SLC30A9: variants seen among roughly 807,000 people sequenced by gnomAD.
SLC30A9 encodes the protein proton-coupled zinc antiporter SLC30A9, mitochondrial.
Under a neutral mutation model 87.5 loss-of-function variants are expected in SLC30A9, and 58 were observed. The ratio of observed to expected loss-of-function variants is 0.66; its 90% CI spans 0.54 to 0.82. The LOEUF (loss-of-function observed/expected upper bound fraction) is 0.82, where lower values mean the gene tolerates loss of function less well. Ranked by LOEUF, SLC30A9 falls within the 40% of genes least tolerant of loss-of-function variation. SLC30A9 has a pLI of 0.00. For missense variants in SLC30A9, 557 were observed against 679.1 expected, an observed-to-expected ratio of 0.82 and a Z score of 2.00; for synonymous variants, 234 against 233.0, an observed-to-expected ratio of 1.00 and a Z score of -0.04.
At chr4:42,071,242 C>T (rs1718297213) in intron 15 of SLC30A9, among the ~76,000 whole-genome samples, 1 of 152,146 alleles carries the variant, frequency 6.6e-6, no homozygotes, top group South Asian at 2.1e-4. Context: ...TAGTGCTTTT[C>T]AGTGAAATTC....
intron 8 of SLC30A9, among the ~76,000 whole-genome samples, chr4:42,043,143 A>G (rs2153137824): frequency 6.6e-6 from 1 of 152,348 alleles, no homozygotes; most frequent in African/African-American, 2.4e-5. Context: ...AAAAGGCTGA[A>G]AATTCCAAAA....
chr4:41,997,147 T>C (rs988152006), intron 1 of SLC30A9, among the ~76,000 whole-genome samples: 2 of 128,456 alleles, frequency 1.6e-5, no homozygotes, highest in African/African-American at 5.0e-5. Context: ...CATCTCCTAT[T>C]GTTTCCTAAC....
chr4:42,086,490 G>T lies in SLC30A9; in HGVS notation c.*364G>T. 1 of 166,848 alleles carries T rather than the reference G, an allele frequency of 6.0e-6. No homozygotes were observed. Among genetic ancestry groups the T allele is most frequent in the East Asian group, 1.7e-4 (1 of 5,944 alleles). The allele number at this position is 166,848 out of a possible 1,614,324, so 10.3% of individuals were successfully genotyped here. ...TGGTAAAAATAAGTGGCATCCATAG[G>T]ATCATGATTTTTAATTTGTTGCCTC... On this transcript the variant is annotated 3_prime_UTR_variant, in exon 18 of 18. Transcript: ENST00000264451.
At chr4:42,077,118 T>C (rs1165889302) in intron 16 of SLC30A9, among the ~76,000 whole-genome samples, 1 of 152,182 alleles carries the variant, frequency 6.6e-6, no homozygotes, top group African/African-American at 2.4e-5. Flanking sequence ...CTTGCCTAGG[T>C]CTTACCAAGT....
At chr4:42,036,343 T>C (rs928122431) in intron 7 of SLC30A9, among the ~76,000 whole-genome samples, 1 of 152,218 alleles carries the variant, frequency 6.6e-6, no homozygotes, top group Admixed American at 6.5e-5. Flanking sequence ...TACTCTGCTT[T>C]CCTTCCTACT....
intron 17 of SLC30A9, among the ~76,000 whole-genome samples, chr4:42,080,097 G>C (rs1718698984): frequency 6.6e-6 from 1 of 152,138 alleles, no homozygotes; most frequent in Non-Finnish European, 1.5e-5. Flanking sequence ...TGAAGGAAAG[G>C]GAGAACTGTT....
intron 1 of SLC30A9, among the ~76,000 whole-genome samples, chr4:41,996,086 A>T (rs1714685818): frequency 6.6e-6 from 1 of 151,454 alleles, no homozygotes; most frequent in Non-Finnish European, 1.5e-5. Flanking sequence ...AATAAATTTG[A>T]GTTTTTTTAT....
intron 2 of SLC30A9, among the ~76,000 whole-genome samples, chr4:42,003,008 C>T (rs1377372057): frequency 2.0e-5 from 3 of 152,070 alleles, no homozygotes; most frequent in Non-Finnish European, 4.4e-5. Flanking sequence ...GACATTTAAG[C>T]CATGATAACA....
In SLC30A9 at chr4:42,069,078, A is replaced by C. The variant is rs751183894; in HGVS notation, c.1253-1448A>C. On this transcript the variant is annotated intron_variant, in intron 14 of 17. Coordinates refer to ENST00000264451, the MANE Select transcript of SLC30A9 (RefSeq NM_006345.4). ...ATTCTCTGATGTTTATTGTGATCCA[A>C]AATATTTGTAAAAATGTTGATTGTT... Among the ~76,000 whole-genome samples the C allele has an allele frequency of 3.3e-4, 51 of 152,320 alleles. 1 individual carries two copies. The highest frequency in any genetic ancestry group is 1.7e-3 in the Admixed American group (26 of 15,304).
intron 1 of SLC30A9, 57 bp from the exon 2 acceptor site, chr4:42,001,559 T>G: frequency 8.8e-7 from 1 of 1,136,138 alleles, no homozygotes; most frequent in African/African-American, 1.6e-5. Flanking sequence ...GGCTTGGCAA[T>G]TAATTATGCA....
At chr4:42,009,047 G>A (rs1370347569) in intron 2 of SLC30A9, among the ~76,000 whole-genome samples, 1 of 152,128 alleles carries the variant, frequency 6.6e-6, no homozygotes, top group Non-Finnish European at 1.5e-5. Flanking sequence ...ATATAATTAA[G>A]GGTAAAATAT....
At chr4:42,001,888 C>T in intron 2 of SLC30A9, 108 bp downstream of exon 2, 2 of 658,222 alleles carry the variant, frequency 3.0e-6, no homozygotes, top group Non-Finnish European at 5.0e-6. Flanking sequence ...ACTGTCTGGA[C>T]TGATGTTTTC....
chr4:42,071,517 G>C (rs1412503592), intron 15 of SLC30A9, among the ~76,000 whole-genome samples: 2 of 152,044 alleles, frequency 1.3e-5, no homozygotes. Context: ...GAAAATGAGA[G>C]ATGGGCACAG....
intron 1 of SLC30A9, among the ~76,000 whole-genome samples, chr4:41,993,328 T>C (rs1202014614): frequency 6.6e-6 from 1 of 152,152 alleles, no homozygotes; most frequent in Non-Finnish European, 1.5e-5. Context: ...TTTCAGCACA[T>C]CACAGTTCAG....
At chr4:42,061,000 A>C (rs1717824028) in intron 10 of SLC30A9, among the ~76,000 whole-genome samples, 1 of 152,216 alleles carries the variant, frequency 6.6e-6, no homozygotes, top group African/African-American at 2.4e-5. Context: ...TATAGAGAAT[A>C]GCTCTCTAGT....
rs369560134 is a variant in SLC30A9 at position 42,084,804 on chromosome 4, GA to G, written c.1663-1275del. Among the ~76,000 whole-genome samples, 25 of 152,302 alleles carry G rather than the reference GA, an allele frequency of 1.6e-4. No individual in the cohort carries two copies. The East Asian group carries it at 4.6e-3, about 28-fold the overall frequency. ...TTCCTTTGTGCACTCACAGGAAAAA[GA>G]AACCCAAAATCTTTACTTTGCTCTG... On this transcript the variant is annotated intron_variant, in intron 17 of 17. Coordinates refer to ENST00000264451, the MANE Select transcript of SLC30A9 (RefSeq NM_006345.4).
intron 6 of SLC30A9, among the ~76,000 whole-genome samples, chr4:42,024,840 C>T (rs1212582313): frequency 6.6e-6 from 1 of 152,058 alleles, no homozygotes; most frequent in Non-Finnish European, 1.5e-5. Flanking sequence ...AGTGGTTTTT[C>T]TTAGTTCTTC....
chr4:42,028,019 G>A (rs1001096951), intron 6 of SLC30A9, among the ~76,000 whole-genome samples: 1 of 152,238 alleles, frequency 6.6e-6, no homozygotes. Flanking sequence ...GTTGACCTGT[G>A]TACCAATACT....
intron 2 of SLC30A9, among the ~76,000 whole-genome samples, chr4:42,010,738 A>G (rs1715403878): frequency 6.6e-6 from 1 of 152,218 alleles, no homozygotes; most frequent in Non-Finnish European, 1.5e-5. Flanking sequence ...ACTTTGAGGC[A>G]TGTGTTCTAC....
Sources: allele counts gnomAD v4.1 joint callset (sites outside exome capture counted in the v4.1 genomes callset), GRCh38; gene constraint gnomAD v4.1.1; transcripts MANE v1.5; gene names NCBI Gene and HGNC (gene_info 2026-07-23, HGNC 2026-07-21).